Variants in CAT observed in about 807,000 individuals in gnomAD.
CAT encodes catalase.
In CAT, 43 loss-of-function variants were observed where a neutral mutation model predicts 59.0. The observed-to-expected ratio is 0.73, with a 90% confidence interval of 0.57 to 0.94. CAT has a LOEUF of 0.94. CAT is among the 40% of genes least tolerant of loss of function. CAT has a pLI of 0.00. For synonymous variants in CAT, 218 were observed against 230.9 expected (o/e 0.94, Z 0.51); for missense variants, 664 against 682.9 (o/e 0.97, Z 0.31).
chr11:34,445,490 C>T, intron 1 of CAT, among the ~76,000 whole-genome samples: 1 of 57,140 alleles, frequency 1.8e-5, no homozygotes. Flanking sequence ...AGCGAGACTC[C>T]ATCTCAAAAA....
At position 34,468,347 on chromosome 11, in the gene CAT, C is replaced by T. The variant is rs1272219915; in HGVS notation, c.1386C>T (p.Asn462=). 1 of 1,614,020 alleles carries T rather than the reference C, an allele frequency of 6.2e-7. No homozygotes were observed. Among genetic ancestry groups the T allele is most frequent in the African/African-American group, 1.3e-5 (1 of 74,920 alleles). ...NEEQRKRLCE[N]IAGHLKDAQI... ...AACAGAGGAAACGTCTGTGTGAGAACATTGCCGGCCACCTGAAGGATGCAC... is the reference window on the plus strand; with the variant it reads ...AACAGAGGAAACGTCTGTGTGAGAATATTGCCGGCCACCTGAAGGATGCAC... The change falls in exon 11 of 13, where the codon AAC becomes AAT. Residue 462 remains asparagine (N), a synonymous_variant. Transcript: ENST00000241052.
intron 8 of CAT, chr11:34,460,936 G>C (rs1856642544): frequency 2.6e-6 from 1 of 380,798 alleles, no homozygotes. Context: ...TACTTCCTTG[G>C]GAATAGGAAG....
Position 34,438,973 on chromosome 11 carries a change from C to G in CAT, c.-41C>G. ...CCTGCTGAGGGTGGAGACCCACGAG[C>G]CGAGGCCTCCTGCAGTGTTCTGCAC... On this transcript the variant is annotated 5_prime_UTR_variant, in exon 1 of 13. Transcript: ENST00000241052. 5 of 1,543,076 alleles carry G rather than the reference C, an allele frequency of 3.2e-6. No individual in the cohort carries two copies. The highest frequency in any genetic ancestry group is 2.6e-6 in the Non-Finnish European group (3 of 1,137,132).
chr11:34,466,712 C>T (rs1242858634), intron 10 of CAT, among the ~76,000 whole-genome samples: 8 of 130,214 alleles, frequency 6.1e-5, no homozygotes, highest in African/African-American at 1.2e-4. Flanking sequence ...ACCCGGGAGG[C>T]GGAGCTTGCA....
chr11:34,468,450 C>T (rs1247835289), intron 11 of CAT, 55 bp downstream of exon 11: 3 of 1,215,638 alleles, frequency 2.5e-6, no homozygotes, highest in Non-Finnish European at 3.7e-6. Context: ...GACAGTGCAG[C>T]TGTGTGGGAG....
chr11:34,458,307 G>T (rs1856613871), intron 8 of CAT, among the ~76,000 whole-genome samples: 2 of 152,212 alleles, frequency 1.3e-5, no homozygotes, highest in Non-Finnish European at 2.9e-5. Flanking sequence ...TAGGTTCATT[G>T]AGTATATGTC....
Position 34,464,156 on chromosome 11 carries a change from C to G in CAT, c.1247C>G (p.Pro416Arg). The G allele has an allele frequency of 1.2e-6, 2 of 1,614,146 alleles. No individual in the cohort carries two copies. The highest frequency in any genetic ancestry group is 1.7e-6 in the Non-Finnish European group (2 of 1,180,000). The change falls in exon 10 of 13, where the codon CCT becomes CGT. Residue 416 changes from proline to arginine, a missense_variant. Transcript: ENST00000241052. The part of the protein sequence containing the change: ...PNSFGAPEQQ[P>R]SALEHSIQYS... ...AGCTTTGGTGCTCCGGAACAACAGC[C>G]TTCTGCCCTGGAGCACAGCATCCAA...
chr11:34,451,585 A>G (rs928792971), intron 3 of CAT, among the ~76,000 whole-genome samples: 1 of 152,230 alleles, frequency 6.6e-6, no homozygotes, highest in East Asian at 1.9e-4. Flanking sequence ...CTATATTTCA[A>G]CATACCTAGT....
At position 34,468,368 on chromosome 11, in the gene CAT, T is replaced by C. The variant is rs1590310569; in HGVS notation, c.1407T>C (p.Asp469=). 1 of 1,614,000 alleles carries C rather than the reference T, an allele frequency of 6.2e-7. No homozygotes were observed. Among genetic ancestry groups the C allele is most frequent in the Non-Finnish European group, 8.5e-7 (1 of 1,179,878 alleles). Residue 469 remains aspartate (D), a synonymous_variant, in exon 11 of 13, where the codon GAT becomes GAC. Coordinates refer to ENST00000241052, the MANE Select transcript of CAT (RefSeq NM_001752.4). ...LCENIAGHLK[D]AQIFIQKKAV... ...AGAACATTGCCGGCCACCTGAAGGA[T>C]GCACAAATTTTCATCCAGAAGAAAG...
At chr11:34,449,102 T>G in intron 1 of CAT, 90 bp from the exon 2 acceptor site, 1 of 1,133,864 alleles carries the variant, frequency 8.8e-7, no homozygotes, top group Non-Finnish European at 1.3e-6. Context: ...GCAGATGGTA[T>G]AAACATTGCA....
intron 11 of CAT, among the ~76,000 whole-genome samples, chr11:34,468,958 T>A (rs1207208303): frequency 6.6e-6 from 1 of 152,252 alleles, no homozygotes; most frequent in Non-Finnish European, 1.5e-5. Flanking sequence ...AAAGGCTTAA[T>A]GTCATAATAC....
intron 10 of CAT, 100 bp from the exon 11 acceptor site, chr11:34,468,188 G>GA (rs1554938816): frequency 1.1e-6 from 1 of 895,420 alleles, no homozygotes; most frequent in African/African-American, 1.6e-5. Flanking sequence ...AACTTCTAAA[G>GA]TTTTTTTTAT....
chr11:34,455,996 T>A lies in CAT; in HGVS notation c.712-15T>A, dbSNP rs763613226. 1 of 1,611,992 alleles carries A rather than the reference T, an allele frequency of 6.2e-7. No individual in the cohort carries two copies. Among genetic ancestry groups the A allele is most frequent in the South Asian group, 1.1e-5 (1 of 90,678 alleles). On this transcript the variant is annotated splice_polypyrimidine_tract_variant and intron_variant, in intron 6 of 12. Transcript: ENST00000241052. ...CAATAAGTTTCCATTGGAGCTTCTTTCTTTCATTTTGTAGACTGACCAGGG... is the reference window on the plus strand; with the variant it reads ...CAATAAGTTTCCATTGGAGCTTCTTACTTTCATTTTGTAGACTGACCAGGG...
At chr11:34,445,213 GGC>G (rs1856435245) in intron 1 of CAT, among the ~76,000 whole-genome samples, 1 of 152,068 alleles carries the variant, frequency 6.6e-6, no homozygotes, top group Non-Finnish European at 1.5e-5. Flanking sequence ...TGACAGGCTG[GGC>G]GCGGTGGCTC....
Position 34,472,052 on chromosome 11 carries a change from G to A in CAT, c.*619G>A, listed in dbSNP as rs1012473350. On this transcript the variant is annotated 3_prime_UTR_variant, in exon 13 of 13. Coordinates refer to ENST00000241052, the MANE Select transcript of CAT (RefSeq NM_001752.4). ...CATTTTTACAATAAATAATCTGTAC[G>A]TAAGAACAGAGATGGTATTTTCTTT... 78 of 154,286 alleles carry A rather than the reference G, an allele frequency of 5.1e-4. No individual in the cohort carries two copies. The highest frequency in any genetic ancestry group is 1.2e-3 in the African/African-American group (51 of 41,568). The allele number at this position is 154,286 out of a possible 1,614,324, so 9.6% of individuals were successfully genotyped here.
At chr11:34,455,903 G>A (rs973726601) in intron 6 of CAT, 108 bp from the exon 7 acceptor site, 3 of 860,068 alleles carry the variant, frequency 3.5e-6, no homozygotes, top group South Asian at 2.9e-5. Flanking sequence ...TGTAAAGAAA[G>A]TTCATTCTTT....
At chr11:34,452,558 CG>C (rs1295040921) in intron 4 of CAT, among the ~76,000 whole-genome samples, 4 of 151,796 alleles carry the variant, frequency 2.6e-5, no homozygotes, top group Non-Finnish European at 5.9e-5. Flanking sequence ...TGCGCGCATG[CG>C]GGAGGGTGGG....
rs1335006210 is a variant in CAT, at chr11:34,453,139, A to C, written c.530A>C (p.Lys177Thr). The C allele has an allele frequency of 1.2e-6, 2 of 1,613,518 alleles. No individual in the cohort carries two copies. Among genetic ancestry groups the C allele is most frequent in the African/African-American group, 2.7e-5 (2 of 74,900 alleles). Residue 177 changes from lysine (K) to threonine (T), a missense_variant, in exon 5 of 13, where the codon AAG becomes ACG. Lys to Thr is a moderately conservative substitution (Grantham distance 78, BLOSUM62 -1). Coordinates refer to ENST00000241052, the MANE Select transcript of CAT (RefSeq NM_001752.4). The part of the protein sequence containing the change: ...SQKRNPQTHL[K>T]DPDMVWDFWS... ...AAGAGAAATCCTCAGACACATCTGA[A>C]GGATCCGGACATGGTCTGGGACTTC...
chr11:34,470,572 G>T (rs1564968181), intron 11 of CAT: 2 of 283,680 alleles, frequency 7.1e-6, no homozygotes, highest in African/African-American at 2.2e-5. Flanking sequence ...AGGAATCTAT[G>T]TAGGCCCCCA....
Sources: allele counts gnomAD v4.1 joint callset (sites outside exome capture counted in the v4.1 genomes callset), GRCh38; gene constraint gnomAD v4.1.1; transcripts MANE v1.5; gene names NCBI Gene and HGNC (gene_info 2026-07-23, HGNC 2026-07-21).